The following ADAM7 variants were observed in gnomAD, a reference collection of about 807,000 sequenced individuals.
ADAM7 encodes the protein ADAM metallopeptidase domain 7, also known as disintegrin and metalloproteinase domain-containing protein 7.
ADAM7 carries 97 observed loss-of-function variants against 102.9 expected under a neutral mutation model. The observed-to-expected ratio is 0.94, with a 90% CI of 0.80 to 1.12. The LOEUF is 1.12. ADAM7 is among the 50% of genes most tolerant of loss of function. ADAM7 has a pLI of 0.00. For synonymous variants in ADAM7, 334 were observed against 304.4 expected, an observed-to-expected ratio of 1.10 and a Z score of -1.01; for missense variants, 991 against 908.7, an observed-to-expected ratio of 1.09 and a Z score of -1.16.
At chr8:24,487,596 C>T (rs1289761657) in intron 11 of ADAM7, among the ~76,000 whole-genome samples, 4 of 150,596 alleles carry the variant, frequency 2.7e-5, no homozygotes, top group African/African-American at 9.8e-5. Context: ...GATCATGCCA[C>T]TGCACTCTAG....
intron 13 of ADAM7, 47 bp downstream of exon 13, chr8:24,490,935 T>C (rs1820325675): frequency 6.3e-7 from 1 of 1,587,446 alleles, no homozygotes; most frequent in South Asian, 1.1e-5. Context: ...AGTTTAAGAA[T>C]ATGTAGGATC....
At chr8:24,495,652 T>C (rs1158939698) in intron 16 of ADAM7, among the ~76,000 whole-genome samples, 2 of 152,196 alleles carry the variant, frequency 1.3e-5, no homozygotes, top group African/African-American at 4.8e-5. Context: ...AAGATGACTC[T>C]TGTTATGTTT....
At chr8:24,480,593 A>G (rs1483761231) in intron 8 of ADAM7, among the ~76,000 whole-genome samples, 2 of 152,198 alleles carry the variant, frequency 1.3e-5, no homozygotes, top group African/African-American at 4.8e-5. Context: ...TGAGAAGAAA[A>G]TATCATCAGA....
At chr8:24,465,358 G>T (rs1459922175) in intron 4 of ADAM7, among the ~76,000 whole-genome samples, 2 of 152,114 alleles carry the variant, frequency 1.3e-5, no homozygotes, top group Non-Finnish European at 2.9e-5. Flanking sequence ...GGAGAGAAAG[G>T]CTAGTTTCGT....
intron 10 of ADAM7, among the ~76,000 whole-genome samples, chr8:24,486,247 T>C (rs1272740920): frequency 6.6e-6 from 1 of 152,212 alleles, no homozygotes; most frequent in Non-Finnish European, 1.5e-5. Context: ...AGTAATCTGA[T>C]AGCCCACCTC....
At chr8:24,502,946 A>G (rs757045705) in intron 20 of ADAM7, among the ~76,000 whole-genome samples, 4 of 152,130 alleles carry the variant, frequency 2.6e-5, no homozygotes, top group Non-Finnish European at 5.9e-5. Flanking sequence ...TAATACACTA[A>G]CAAATATAGG....
At chr8:24,497,829 G>T (rs1181893407) in intron 16 of ADAM7, among the ~76,000 whole-genome samples, 1 of 152,174 alleles carries the variant, frequency 6.6e-6, no homozygotes, top group Non-Finnish European at 1.5e-5. Flanking sequence ...TCATTAATTT[G>T]CTACAGAAAG....
At chr8:24,500,084 G>A in intron 17 of ADAM7, 94 bp from the exon 18 acceptor site, 1 of 1,068,422 alleles carries the variant, frequency 9.4e-7, no homozygotes. Context: ...TTGTGTGCAT[G>A]TATGTTTGAT....
chr8:24,467,591 G>A (rs886695806), intron 6 of ADAM7: 1 of 152,178 alleles, frequency 6.6e-6, no homozygotes, highest in African/African-American at 2.4e-5. Context: ...TATGCCTAAT[G>A]GATGTTTCCT....
intron 3 of ADAM7, among the ~76,000 whole-genome samples, chr8:24,451,550 A>G (rs1818789660): frequency 6.6e-6 from 1 of 151,862 alleles, no homozygotes; most frequent in African/African-American, 2.4e-5. Context: ...TTTCTTCTTT[A>G]TTAGTCTTGC....
intron 3 of ADAM7, among the ~76,000 whole-genome samples, chr8:24,459,294 A>G (rs553320084): frequency 6.6e-6 from 1 of 152,048 alleles, no homozygotes; most frequent in South Asian, 2.1e-4. Context: ...CTTTTTTGGC[A>G]TAAAGTGTTT....
At chr8:24,488,363 A>G (rs1443736269) in intron 11 of ADAM7, among the ~76,000 whole-genome samples, 1 of 152,200 alleles carries the variant, frequency 6.6e-6, no homozygotes, top group Non-Finnish European at 1.5e-5. Context: ...CCTTCGGAGC[A>G]GGTATACATA....
intron 2 of ADAM7, among the ~76,000 whole-genome samples, chr8:24,445,904 G>A (rs1818540558): frequency 6.6e-6 from 1 of 152,086 alleles, no homozygotes; most frequent in South Asian, 2.1e-4. Context: ...GCTGTTCCCT[G>A]CCCCTGACTT....
chr8:24,473,004 C>A (rs1819657141), intron 7 of ADAM7, among the ~76,000 whole-genome samples: 1 of 151,988 alleles, frequency 6.6e-6, no homozygotes. Context: ...ATCAAGCTGA[C>A]TCAACAATAG....
At chr8:24,463,548 A>G (rs926879732) in intron 3 of ADAM7, among the ~76,000 whole-genome samples, 19 of 152,166 alleles carry the variant, frequency 1.2e-4, no homozygotes, top group African/African-American at 4.6e-4. Context: ...AATATAAGAC[A>G]TATTCATCAC....
At chr8:24,445,733 T>A (rs1390388638) in intron 2 of ADAM7, among the ~76,000 whole-genome samples, 1 of 152,208 alleles carries the variant, frequency 6.6e-6, no homozygotes, top group Non-Finnish European at 1.5e-5. Flanking sequence ...GTTCATAGGA[T>A]AAGGCCCAAA....
chr8:24,468,766 G>T lies in ADAM7; in HGVS notation c.580-1G>T. 2 of 1,612,886 alleles carry T rather than the reference G, an allele frequency of 1.2e-6. No homozygotes were observed. The highest frequency in any genetic ancestry group is 8.5e-7 in the Non-Finnish European group (1 of 1,179,560). Reference sequence around the variant, plus strand: ...CAACTGAATTTTCCCTAACTTTACAGGGCATCCATGATGAAAAGTATGTTG... The same window carrying T: ...CAACTGAATTTTCCCTAACTTTACATGGCATCCATGATGAAAAGTATGTTG... On this transcript the variant is annotated splice_acceptor_variant, in intron 6 of 21. Transcript: ENST00000175238. LOFTEE classifies it high-confidence loss of function.
chr8:24,472,075 AG>A (rs1563383222), intron 7 of ADAM7, among the ~76,000 whole-genome samples: 1 of 151,380 alleles, frequency 6.6e-6, no homozygotes, highest in Non-Finnish European at 1.5e-5. Flanking sequence ...GAGCACCAAA[AG>A]GATACAAAAT....
chr8:24,449,102 G>T (rs1302850863), intron 3 of ADAM7, among the ~76,000 whole-genome samples: 1 of 152,094 alleles, frequency 6.6e-6, no homozygotes, highest in Non-Finnish European at 1.5e-5. Context: ...GAATAGAGCC[G>T]CAATAAACAT....
Sources: gnomAD v4.1 joint callset for allele counts (sites outside exome capture counted in the v4.1 genomes callset) on GRCh38, gnomAD v4.1.1 for gene constraint, MANE v1.5 for transcripts, NCBI Gene and HGNC (gene_info 2026-07-23, HGNC 2026-07-21) for gene names.